The following GFI1B variants were observed in gnomAD, a reference collection of about 807,000 sequenced individuals.
GFI1B encodes the protein zinc finger protein Gfi-1b.
A neutral mutation model predicts 35.3 loss-of-function variants in GFI1B; 20 were observed. The ratio of observed to expected loss-of-function variants is 0.57; its 90% CI spans 0.40 to 0.82. The LOEUF is 0.82. GFI1B is among the 40% of genes least tolerant of loss of function. The probability of loss-of-function intolerance (pLI) is 0.00; values close to 1 mark genes in which losing one functional copy is unlikely to be tolerated. For missense variants in GFI1B, 430 were observed against 446.3 expected (o/e 0.96, Z 0.33); for synonymous variants, 178 against 177.6 (o/e 1.00, Z -0.02).
At chr9:132,961,081 C>T (rs375061546) in intron 1 of GFI1B, among the ~76,000 whole-genome samples, 114 of 152,242 alleles carry the variant, frequency 7.5e-4, no homozygotes, top group African/African-American at 2.5e-3. Context: ...TCTCCACACC[C>T]TACACCAGAA....
chr9:132,985,384 G>A (rs936765204), intron 1 of GFI1B, among the ~76,000 whole-genome samples: 1 of 152,174 alleles, frequency 6.6e-6, no homozygotes, highest in Non-Finnish European at 1.5e-5. Flanking sequence ...TGACTGGTGG[G>A]GTTGGTAGTG....
chr9:132,948,772 C>T (rs186511877), intron 1 of GFI1B, among the ~76,000 whole-genome samples: 51 of 152,368 alleles, frequency 3.3e-4, no homozygotes, highest in African/African-American at 1.2e-3. Context: ...AGAGGCTTCA[C>T]ACCGCCCTAC....
At position 132,988,390 on chromosome 9, in the gene GFI1B, C is replaced by T; in HGVS notation, c.432C>T (p.Pro144=). Residue 144 remains proline, a synonymous_variant, in exon 4 of 7, where the codon CCC becomes CCT. Transcript: ENST00000372122. ...GCCTGTACGGCAGTCCTCTTGTGCC[C>T]AGCACTGAGCCCGCCTTGGACTTCA... ...SVSLYGSPLV[P]STEPALDFSL... 6.2e-7 allele frequency: 1 copy of T among 1,614,074 alleles called. No homozygotes were observed. The highest frequency in any genetic ancestry group is 1.7e-4 in the Middle Eastern group (1 of 6,058).
rs1848708978 is a variant in GFI1B at position 132,978,828 on chromosome 9, A to T, written c.-34A>T. On this transcript the variant is annotated 5_prime_UTR_variant, in exon 1 of 7. Coordinates refer to ENST00000372122, the MANE Select transcript of GFI1B (RefSeq NM_001377304.1). ...AGCTCCGGCAGAACCCAGGCGAGGG[A>T]CAGCTCCGGACAGGTGAGTGCTGGA... 6.6e-6 allele frequency: 1 copy of T among 152,302 alleles called. No homozygotes were observed. The highest frequency in any genetic ancestry group is 2.1e-4 in the South Asian group (1 of 4,830). The allele number at this position is 152,302 out of a possible 1,614,324, so 9.4% of individuals were successfully genotyped here.
At chr9:132,988,529 A>C in intron 4 of GFI1B, 61 bp downstream of exon 4, 2 of 1,487,308 alleles carry the variant, frequency 1.3e-6, no homozygotes, top group Non-Finnish European at 1.9e-6. Flanking sequence ...CTCTCAACTC[A>C]CTGGCAGCTC....
intron 6 of GFI1B, among the ~76,000 whole-genome samples, chr9:132,990,139 G>C (rs2118907169): frequency 6.6e-6 from 1 of 152,382 alleles, no homozygotes; most frequent in East Asian, 1.9e-4. Context: ...TGGCAGACAT[G>C]AGACTAGCAG....
At chr9:132,959,613 G>A (rs1848335829) in intron 1 of GFI1B, among the ~76,000 whole-genome samples, 1 of 152,154 alleles carries the variant, frequency 6.6e-6, no homozygotes, top group Non-Finnish European at 1.5e-5. Flanking sequence ...CTGCAAACTG[G>A]GTGGCTTAAA....
chr9:132,973,605 C>T (rs777338466), intron 2 of GFI1B, among the ~76,000 whole-genome samples: 2 of 152,138 alleles, frequency 1.3e-5, no homozygotes, highest in South Asian at 2.1e-4. Flanking sequence ...GATTGTGGGG[C>T]GTCTGGGAGG....
At chr9:132,980,012 A>G (rs576334590) in intron 1 of GFI1B, among the ~76,000 whole-genome samples, 51 of 152,320 alleles carry the variant, frequency 3.3e-4, no homozygotes, top group South Asian at 8.3e-4. Flanking sequence ...AGTCTAGCAA[A>G]GTGTCAAGTT....
intron 1 of GFI1B, among the ~76,000 whole-genome samples, chr9:132,956,180 C>A (rs1037311458): frequency 2.0e-5 from 3 of 152,188 alleles, no homozygotes; most frequent in Non-Finnish European, 4.4e-5. Context: ...CCTAGGAAAG[C>A]AAGTTTCTTG....
chr9:132,992,094 G>C (rs1312062552), downstream of GFI1B, among the ~76,000 whole-genome samples: 2 of 152,206 alleles, frequency 1.3e-5, no homozygotes, highest in Non-Finnish European at 2.9e-5. Flanking sequence ...GCTCCCAGGA[G>C]AGTCTGTTTT....
upstream of GFI1B, among the ~76,000 whole-genome samples, chr9:132,974,491 A>G (rs1390018951): frequency 6.7e-6 from 1 of 150,284 alleles, no homozygotes; most frequent in East Asian, 2.0e-4. Flanking sequence ...AATCCCAGCT[A>G]CTCGGGAGGC....
intron 1 of GFI1B, among the ~76,000 whole-genome samples, chr9:132,964,639 T>C (rs1848420896): frequency 6.6e-6 from 1 of 152,118 alleles, no homozygotes; most frequent in Admixed American, 6.5e-5. Context: ...AAAATACTTC[T>C]GTGAGGACAT....
intron 1 of GFI1B, among the ~76,000 whole-genome samples, chr9:132,948,951 G>A (rs1317248497): frequency 2.0e-5 from 3 of 151,950 alleles, no homozygotes; most frequent in South Asian, 2.1e-4. Context: ...TCAGGTGAGC[G>A]AGGAAGAGCC....
chr9:132,959,062 T>A (rs759597471), intron 1 of GFI1B, among the ~76,000 whole-genome samples: 7 of 152,162 alleles, frequency 4.6e-5, no homozygotes, highest in Non-Finnish European at 1.0e-4. Context: ...AAAATGGAGA[T>A]GACACTAATA....
At chr9:132,950,447 G>A (rs911023334) in intron 1 of GFI1B, among the ~76,000 whole-genome samples, 11 of 151,580 alleles carry the variant, frequency 7.3e-5, no homozygotes, top group Non-Finnish European at 1.3e-4. Flanking sequence ...GAACTCTGCT[G>A]TCCCCAGGAG....
At chr9:132,959,301 G>A (rs1241622963) in intron 1 of GFI1B, among the ~76,000 whole-genome samples, 1 of 152,072 alleles carries the variant, frequency 6.6e-6, no homozygotes, top group Non-Finnish European at 1.5e-5. Flanking sequence ...ACTTTGCTCG[G>A]CACTTCTCCT....
At chr9:132,975,116 A>G (rs1348618249), upstream of GFI1B, 1 of 152,236 alleles carries the variant, frequency 6.6e-6, no homozygotes, top group Non-Finnish European at 1.5e-5. Context: ...TGCAACTCGC[A>G]TCTGGAAAAG....
chr9:132,959,330 A>G (rs1390348363), intron 1 of GFI1B, among the ~76,000 whole-genome samples: 1 of 152,142 alleles, frequency 6.6e-6, no homozygotes, highest in Non-Finnish European at 1.5e-5. Flanking sequence ...CCACTTGAAG[A>G]AGGACATGTT....
Sources: gnomAD v4.1 joint callset for allele counts (sites outside exome capture counted in the v4.1 genomes callset) on GRCh38, gnomAD v4.1.1 for gene constraint, MANE v1.5 for transcripts, NCBI Gene and HGNC (gene_info 2026-07-23, HGNC 2026-07-21) for gene names.